HDAC9: variants seen among roughly 807,000 people sequenced by gnomAD.
The protein encoded by HDAC9 is histone deacetylase 9.
A neutral mutation model predicts 139.4 loss-of-function variants in HDAC9; 41 were observed. The observed-to-expected ratio is 0.29, with a 90% CI of 0.23 to 0.38. The LOEUF (loss-of-function observed/expected upper bound fraction) is 0.38, where lower values mean the gene tolerates loss of function less well. Ranked by LOEUF, HDAC9 falls within the 10% of genes least tolerant of loss-of-function variation. The pLI, the probability that HDAC9 is intolerant of heterozygous loss-of-function variation, is 1.00. For synonymous variants in HDAC9, 517 were observed against 476.2 expected, an observed-to-expected ratio of 1.09 and a Z score of -1.12; for missense variants, 1,147 against 1,297.0, an observed-to-expected ratio of 0.88 and a Z score of 1.78.
At chr7:18,726,705 A>G (rs991586517) in intron 12 of HDAC9, among the ~76,000 whole-genome samples, 8 of 150,544 alleles carry the variant, frequency 5.3e-5, no homozygotes, top group African/African-American at 1.9e-4. Flanking sequence ...ATAAATAAAT[A>G]AATTCTTTAT....
chr7:18,341,660 A>G (rs755830587), intron 1 of HDAC9, among the ~76,000 whole-genome samples: 67 of 151,562 alleles, frequency 4.4e-4, no homozygotes, highest in Non-Finnish European at 4.1e-4. Context: ...CAACTGTTTC[A>G]ATGTGTTTTT....
intron 1 of HDAC9, among the ~76,000 whole-genome samples, chr7:18,350,319 A>C (rs1183532107): frequency 3.9e-5 from 6 of 152,172 alleles, no homozygotes; most frequent in Admixed American, 1.3e-4. Context: ...CATGAAAAAA[A>C]TGGATTCAGG....
At chr7:18,680,187 T>C (rs1298287094) in intron 12 of HDAC9, among the ~76,000 whole-genome samples, 1 of 152,008 alleles carries the variant, frequency 6.6e-6, no homozygotes, top group African/African-American at 2.4e-5. Context: ...GTGGCAAACT[T>C]AGAGAAAATT....
intron 1 of HDAC9, among the ~76,000 whole-genome samples, chr7:18,148,900 A>C (rs898426274): frequency 1.3e-5 from 2 of 152,242 alleles, no homozygotes; most frequent in Admixed American, 1.3e-4. Flanking sequence ...ATGAGGTAAT[A>C]TAATCAAAGG....
chr7:18,323,940 T>G lies in HDAC9; in HGVS notation c.-42+33425T>G, dbSNP rs540191418. On this transcript the variant is annotated intron_variant, in intron 1 of 3. Coordinates refer to the HDAC9 transcript ENST00000413509. ...TCCTGGCTTATGGTTGTTTTGTTTT[T>G]TTTTTTTTTCACTTTGTCCTCATAT... Among the ~76,000 whole-genome samples the G allele has an allele frequency of 1.1e-3, 163 of 151,970 alleles. 1 individual carries two copies. The highest frequency in any genetic ancestry group is 2.6e-3 in the African/African-American group (107 of 41,482).
In HDAC9 at chr7:18,505,451, A is replaced by G. The variant is rs189665032; in HGVS notation, c.22+9127A>G. Among the ~76,000 whole-genome samples the G allele has an allele frequency of 3.9e-5, 6 of 152,344 alleles. No individual in the cohort carries two copies. The East Asian group carries it at 1.2e-3, about 29-fold the overall frequency. On this transcript the variant is annotated intron_variant, in intron 2 of 25. Transcript: ENST00000686413. The stretch of plus-strand genomic sequence containing the variant: ...TGCAATGTGAAATTCTCTAGCCACA[A>G]TAAAGATCTAGCTAACATAATTCAG...
At chr7:18,396,492 C>A (rs1787075548) in intron 1 of HDAC9, among the ~76,000 whole-genome samples, 1 of 151,994 alleles carries the variant, frequency 6.6e-6, no homozygotes, top group Non-Finnish European at 1.5e-5. Flanking sequence ...GATATTCCCC[C>A]CTCCCCACCT....
At chr7:18,797,122 T>C (rs1407722268) in intron 17 of HDAC9, among the ~76,000 whole-genome samples, 1 of 152,202 alleles carries the variant, frequency 6.6e-6, no homozygotes, top group Non-Finnish European at 1.5e-5. Context: ...TCTCACAATG[T>C]ACCCTTGAAG....
chr7:18,106,187 G>A (rs890360899), intron 1 of HDAC9, among the ~76,000 whole-genome samples: 3 of 152,164 alleles, frequency 2.0e-5, no homozygotes, highest in African/African-American at 7.2e-5. Context: ...GAATTATATA[G>A]ATTAAAAGGG....
At chr7:18,753,518 G>A (rs1584976927) in intron 14 of HDAC9, among the ~76,000 whole-genome samples, 1 of 152,076 alleles carries the variant, frequency 6.6e-6, no homozygotes, top group South Asian at 2.1e-4. Context: ...CTGACATACA[G>A]AGAAGGGTCA....
intron 6 of HDAC9, among the ~76,000 whole-genome samples, chr7:18,601,106 G>T (rs1833821185): frequency 6.6e-6 from 1 of 152,168 alleles, no homozygotes; most frequent in Non-Finnish European, 1.5e-5. Flanking sequence ...TTCTATCCAT[G>T]AATACGAATA....
chr7:18,848,303 T>C (rs1293089078), intron 21 of HDAC9, among the ~76,000 whole-genome samples: 1 of 152,112 alleles, frequency 6.6e-6, no homozygotes, highest in Non-Finnish European at 1.5e-5. Context: ...AGTATGTATG[T>C]TTTTCATTAG....
At chr7:18,834,038 G>A (rs1346769313) in intron 19 of HDAC9, among the ~76,000 whole-genome samples, 1 of 152,158 alleles carries the variant, frequency 6.6e-6, no homozygotes, top group African/African-American at 2.4e-5. Context: ...GGAATAGGAA[G>A]TAGATTCAAG....
intron 2 of HDAC9, among the ~76,000 whole-genome samples, chr7:18,170,569 T>TA (rs1282327103): frequency 3.3e-5 from 5 of 152,180 alleles, no homozygotes; most frequent in Admixed American, 1.3e-4. Context: ...GGGTTTTTTT[T>TA]ATGGTTTTAG....
chr7:18,581,951 A>G (rs970022551), intron 2 of HDAC9, among the ~76,000 whole-genome samples: 7 of 152,238 alleles, frequency 4.6e-5, no homozygotes, highest in Non-Finnish European at 8.8e-5. Context: ...TTAAAGTGAC[A>G]CATAAAGTAC....
At chr7:18,759,425 G>A (rs1318137876) in intron 14 of HDAC9, among the ~76,000 whole-genome samples, 1 of 151,904 alleles carries the variant, frequency 6.6e-6, no homozygotes, top group Non-Finnish European at 1.5e-5. Context: ...GCATGTGAGG[G>A]ATCTAGGTTG....
At chr7:18,487,913 A>C (rs1347997019) in intron 1 of HDAC9, among the ~76,000 whole-genome samples, 3 of 152,170 alleles carry the variant, frequency 2.0e-5, no homozygotes, top group African/African-American at 7.2e-5. Context: ...GTAGTAACTT[A>C]GTCTTGTCAC....
chr7:18,400,797 A>G (rs1585633838), intron 1 of HDAC9, among the ~76,000 whole-genome samples: 1 of 152,110 alleles, frequency 6.6e-6, no homozygotes, highest in South Asian at 2.1e-4. Flanking sequence ...AAAAGGAGGA[A>G]CAGACTACAG....
intron 21 of HDAC9, among the ~76,000 whole-genome samples, chr7:18,851,859 T>C (rs940618797): frequency 1.3e-5 from 2 of 152,206 alleles, no homozygotes; most frequent in South Asian, 4.1e-4. Context: ...CCAATCAAAG[T>C]TGGTTTCCTG....
Sources: gnomAD v4.1 joint callset for allele counts (sites outside exome capture counted in the v4.1 genomes callset) on GRCh38, gnomAD v4.1.1 for gene constraint, MANE v1.5 for transcripts, NCBI Gene and HGNC (gene_info 2026-07-23, HGNC 2026-07-21) for gene names.